Variants in NCKAP5 observed in about 807,000 individuals in gnomAD.
The protein encoded by NCKAP5 is nck-associated protein 5.
Under a neutral mutation model 167.0 loss-of-function variants are expected in NCKAP5, and 92 were observed. That is an observed-to-expected ratio of 0.55 (90% CI 0.47 to 0.66). The LOEUF (loss-of-function observed/expected upper bound fraction) is 0.66, where lower values mean the gene tolerates loss of function less well. Ranked by LOEUF, NCKAP5 falls within the 30% of genes least tolerant of loss-of-function variation. The pLI is 0.00. For missense variants in NCKAP5, 2,378 were observed against 2,315.0 expected (o/e 1.03, Z -0.56); for synonymous variants, 891 against 877.4 (o/e 1.02, Z -0.27).
chr2:133,518,343 G>GGTTTTT (rs1684184045), intron 2 of NCKAP5, among the ~76,000 whole-genome samples: 1 of 66,222 alleles, frequency 1.5e-5, no homozygotes, highest in Non-Finnish European at 3.1e-5. Flanking sequence ...TACAGTAAAG[G>GGTTTTT]ATTTTTTTTT....
At chr2:132,728,103 G>C (rs1690641338) in intron 18 of NCKAP5, among the ~76,000 whole-genome samples, 1 of 152,164 alleles carries the variant, frequency 6.6e-6, no homozygotes, top group Non-Finnish European at 1.5e-5. Flanking sequence ...CTCACCACCA[G>C]GCACCAGGGC....
intron 5 of NCKAP5, among the ~76,000 whole-genome samples, chr2:133,207,281 C>A (rs186498504): frequency 1.0e-3 from 156 of 152,228 alleles, no homozygotes; most frequent in African/African-American, 3.6e-3. Flanking sequence ...ATTTCTCAGA[C>A]CAACTGACAC....
intron 11 of NCKAP5, among the ~76,000 whole-genome samples, chr2:132,842,389 T>C (rs72991369): frequency 0.079 from 11,952 of 152,088 alleles, 939 homozygotes; most frequent in African/African-American, 0.19. Flanking sequence ...TACATATATA[T>C]ACACACACAT....
chr2:133,039,889 G>A (rs924489057), intron 6 of NCKAP5, among the ~76,000 whole-genome samples: 1 of 152,086 alleles, frequency 6.6e-6, no homozygotes, highest in Non-Finnish European at 1.5e-5. Flanking sequence ...GCATAACAGG[G>A]CAGTATTACA....
At chr2:132,743,443 T>C (rs1679377456) in intron 16 of NCKAP5, among the ~76,000 whole-genome samples, 1 of 151,770 alleles carries the variant, frequency 6.6e-6, no homozygotes, top group South Asian at 2.1e-4. Context: ...TATATGAAAA[T>C]AGCCTGTAAC....
intron 15 of NCKAP5, 43 bp downstream of exon 15, chr2:132,781,009 T>G: frequency 6.3e-7 from 1 of 1,591,980 alleles, no homozygotes; most frequent in Non-Finnish European, 8.6e-7. Flanking sequence ...AGCCAGAACA[T>G]CTCAGATTGT....
intron 6 of NCKAP5, among the ~76,000 whole-genome samples, chr2:133,128,944 GATT>G (rs762842394): frequency 7.0e-5 from 7 of 100,318 alleles, no homozygotes; most frequent in African/African-American, 2.4e-4. Context: ...GAAACTCACT[GATT>G]TTTTTTTTTT....
Position 132,766,031 on chromosome 2 carries a change from C to T in NCKAP5, c.5128+7785G>A, listed in dbSNP as rs553352451. 5.9e-5 allele frequency among the ~76,000 whole-genome samples: 9 copies of T among 151,954 alleles called. No individual in the cohort carries two copies. In the East Asian group the frequency reaches 7.8e-4, roughly 13 times the overall value. ...GCACGGTGGCTTACGCCTGTAATCC[C>T]GGCACTTTGGGAGGCCAAAGTGGGT... On this transcript the variant is annotated intron_variant, in intron 16 of 19. Transcript: ENST00000409261.
the NCKAP5 span, among the ~76,000 whole-genome samples, chr2:133,671,340 T>C: frequency 6.6e-6 from 1 of 152,180 alleles, no homozygotes; most frequent in Non-Finnish European, 1.5e-5. Flanking sequence ...TGTGAATATC[T>C]GTCCCCTCCA....
At chr2:133,030,735 G>A (rs1378647519) in intron 6 of NCKAP5, among the ~76,000 whole-genome samples, 1 of 152,176 alleles carries the variant, frequency 6.6e-6, no homozygotes, top group African/African-American at 2.4e-5. Context: ...GCTGCTGTAG[G>A]GGAATACCAT....
intron 6 of NCKAP5, among the ~76,000 whole-genome samples, chr2:133,035,205 A>G (rs1209263707): frequency 6.6e-6 from 1 of 152,122 alleles, no homozygotes; most frequent in African/African-American, 2.4e-5. Flanking sequence ...ATTCAGCAAG[A>G]AAATATAACA....
At chr2:133,519,946 G>C (rs1684336314) in intron 2 of NCKAP5, among the ~76,000 whole-genome samples, 1 of 152,126 alleles carries the variant, frequency 6.6e-6, no homozygotes, top group Non-Finnish European at 1.5e-5. Flanking sequence ...CCAGCACTTT[G>C]GGAGACTGAG....
chr2:133,087,153 T>G (rs1407665481), intron 6 of NCKAP5, among the ~76,000 whole-genome samples: 1 of 152,214 alleles, frequency 6.6e-6, no homozygotes, highest in East Asian at 1.9e-4. Context: ...CCAAGTTCCA[T>G]TTGGTTTTCC....
intron 4 of NCKAP5, among the ~76,000 whole-genome samples, chr2:133,299,550 C>G (rs1489344350): frequency 6.6e-6 from 1 of 152,108 alleles, no homozygotes; most frequent in Non-Finnish European, 1.5e-5. Flanking sequence ...AGTTCGAGAC[C>G]AGCCTGGCCA....
At chr2:133,514,243 C>T (rs999423646) in intron 3 of NCKAP5, among the ~76,000 whole-genome samples, 1 of 152,170 alleles carries the variant, frequency 6.6e-6, no homozygotes, top group African/African-American at 2.4e-5. Flanking sequence ...TTCAGTTTCA[C>T]TTACGTATCA....
chr2:132,757,902 C>A (rs1680683090), intron 16 of NCKAP5, among the ~76,000 whole-genome samples: 1 of 152,184 alleles, frequency 6.6e-6, no homozygotes, highest in African/African-American at 2.4e-5. Context: ...GACATCATAG[C>A]TGGAATTTCC....
Position 132,952,212 on chromosome 2 carries a change from C to T in NCKAP5, c.579+11508G>A, listed in dbSNP as rs537914484. Among the ~76,000 whole-genome samples, 9 of 152,124 alleles carry T rather than the reference C, an allele frequency of 5.9e-5. No homozygotes were observed. In the South Asian group the frequency reaches 1.9e-3, roughly 32 times the overall value. The stretch of plus-strand genomic sequence containing the variant: ...TATCTCTGGGAACATTTAATGTTGC[C>T]CCTATAGTTCATTTTTCTTCTTTGA... On this transcript the variant is annotated intron_variant, in intron 8 of 19. Coordinates refer to ENST00000409261, the MANE Select transcript of NCKAP5 (RefSeq NM_207363.3).
chr2:133,243,995 G>A (rs993722600), intron 4 of NCKAP5, among the ~76,000 whole-genome samples: 9 of 152,142 alleles, frequency 5.9e-5, no homozygotes, highest in African/African-American at 2.2e-4. Flanking sequence ...TCCCTCAATA[G>A]GAAAATGGTA....
the NCKAP5 span, among the ~76,000 whole-genome samples, chr2:133,664,407 C>G: frequency 6.6e-6 from 1 of 152,258 alleles, no homozygotes; most frequent in South Asian, 2.1e-4. Flanking sequence ...AGCTTTGAAG[C>G]CAGGCTTTGA....
Sources: gnomAD v4.1 joint callset for allele counts (sites outside exome capture counted in the v4.1 genomes callset) on GRCh38, gnomAD v4.1.1 for gene constraint, MANE v1.5 for transcripts, NCBI Gene and HGNC (gene_info 2026-07-23, HGNC 2026-07-21) for gene names.